Variants in NTNG1 observed in about 807,000 individuals in gnomAD.
NTNG1 encodes the protein netrin-G1.
NTNG1 carries 16 observed loss-of-function variants against 54.0 expected under a neutral mutation model. The ratio of observed to expected loss-of-function variants is 0.30; its 90% CI spans 0.20 to 0.45. The LOEUF (loss-of-function observed/expected upper bound fraction) is 0.45. Among genes scored for constraint, NTNG1 ranks in the 20% least tolerant of loss-of-function variants. NTNG1 has a pLI of 1.00. For missense variants in NTNG1, 530 were observed against 678.7 expected, an observed-to-expected ratio of 0.78 and a Z score of 2.43; for synonymous variants, 255 against 263.1, an observed-to-expected ratio of 0.97 and a Z score of 0.30.
intron 7 of NTNG1, among the ~76,000 whole-genome samples, chr1:107,456,576 A>G (rs1472505986): frequency 6.6e-6 from 1 of 152,182 alleles, no homozygotes; most frequent in African/African-American, 2.4e-5. Flanking sequence ...TCGCTTATCA[A>G]TACTCCTAGC....
At chr1:107,205,485 A>G (rs1659106950) in intron 2 of NTNG1, among the ~76,000 whole-genome samples, 1 of 152,116 alleles carries the variant, frequency 6.6e-6, no homozygotes, top group African/African-American at 2.4e-5. Flanking sequence ...AATTTTCATA[A>G]TTTTTATAAG....
chr1:107,170,346 G>C (rs1656129247), intron 2 of NTNG1, among the ~76,000 whole-genome samples: 1 of 152,094 alleles, frequency 6.6e-6, no homozygotes, highest in South Asian at 2.1e-4. Flanking sequence ...TCAATGTCAT[G>C]TATGAAAATT....
rs549992039 is a variant in NTNG1 at position 107,250,975 on chromosome 1, G to A, written c.247-73307G>A. The stretch of plus-strand genomic sequence containing the variant: ...TTAATAAAATTTATTTTCATGCATG[G>A]TTATTCTTACCTTATTCTTTATATC... On this transcript the variant is annotated intron_variant, in intron 2 of 7. Transcript: ENST00000370068. Among the ~76,000 whole-genome samples the A allele has an allele frequency of 1.2e-4, 19 of 152,216 alleles. No individual in the cohort carries two copies. In the South Asian group the frequency reaches 3.9e-3, roughly 32 times the overall value.
rs116040388 is a variant in NTNG1 at position 107,219,872 on chromosome 1, C to T, written c.246+71033C>T. Among the ~76,000 whole-genome samples the T allele has an allele frequency of 9.4e-3, 1,426 of 152,206 alleles. 14 individuals carry two copies. The highest frequency in any genetic ancestry group is 0.02 in the Middle Eastern group (6 of 294). ...AGTGCACTGGTTTTGTGTTGGTTAG[C>T]CTCCAACCAGGAGGTGGCACTTTTA... On this transcript the variant is annotated intron_variant, in intron 2 of 7. Coordinates refer to ENST00000370068, the MANE Select transcript of NTNG1 (RefSeq NM_001113226.3).
In NTNG1 at chr1:107,148,626, C is replaced by A. The variant is rs150353082; in HGVS notation, c.33C>A (p.Ala11=). Residue 11 remains alanine (A), a synonymous_variant, in exon 2 of 8, where the codon GCC becomes GCA. Transcript: ENST00000370068. The part of the protein sequence containing the change: MYLSRFLSIH[A]LWVTVSSVMQ... ...TGTCAAGATTCCTGTCGATTCATGC[C>A]CTTTGGGTTACGGTGTCCTCAGTGA... 2.0e-5 allele frequency: 32 copies of A among 1,613,068 alleles called. No homozygotes were observed. In the African/African-American group the frequency reaches 4.0e-4, roughly 20 times the overall value.
chr1:107,224,877 G>T (rs941198223), intron 2 of NTNG1, among the ~76,000 whole-genome samples: 1 of 152,104 alleles, frequency 6.6e-6, no homozygotes, highest in Non-Finnish European at 1.5e-5. Flanking sequence ...TCTGGTCTGA[G>T]ACCCCCCTCT....
chr1:107,326,036 G>A (rs1273362699), intron 3 of NTNG1, among the ~76,000 whole-genome samples: 1 of 152,082 alleles, frequency 6.6e-6, no homozygotes, highest in African/African-American at 2.4e-5. Flanking sequence ...GTCTGTTAGA[G>A]ATTTGCCTTA....
At chr1:107,420,586 T>C (rs1019854230) in intron 5 of NTNG1, among the ~76,000 whole-genome samples, 2 of 152,024 alleles carry the variant, frequency 1.3e-5, no homozygotes, top group Non-Finnish European at 2.9e-5. Flanking sequence ...TCAAGATGAC[T>C]CTGAGATAGG....
At chr1:107,173,452 G>A (rs1441005530) in intron 2 of NTNG1, among the ~76,000 whole-genome samples, 2 of 152,114 alleles carry the variant, frequency 1.3e-5, no homozygotes, top group Non-Finnish European at 1.5e-5. Flanking sequence ...AAGAAGTAAA[G>A]GATTGGGCCT....
chr1:107,455,385 TA>T (rs1174525989), intron 7 of NTNG1, among the ~76,000 whole-genome samples: 2 of 152,118 alleles, frequency 1.3e-5, no homozygotes, highest in Non-Finnish European at 2.9e-5. Flanking sequence ...TAAAAAGCAA[TA>T]AAAAGTCATT....
intron 3 of NTNG1, among the ~76,000 whole-genome samples, chr1:107,348,801 G>A (rs1285195875): frequency 6.6e-6 from 1 of 151,938 alleles, no homozygotes; most frequent in Non-Finnish European, 1.5e-5. Context: ...AATAAATCTT[G>A]GCTTCTTTTA....
chr1:107,363,826 A>G (rs1024031526), intron 3 of NTNG1, among the ~76,000 whole-genome samples: 1 of 152,224 alleles, frequency 6.6e-6, no homozygotes, highest in Non-Finnish European at 1.5e-5. Context: ...CAAATATTAT[A>G]TACAATACTT....
At chr1:107,258,288 G>A (rs3123370) in intron 2 of NTNG1, among the ~76,000 whole-genome samples, 142,148 of 147,236 alleles carry the variant, frequency 0.97, 68,773 homozygotes, top group South Asian at 1. Context: ...AGTGGTTGAG[G>A]AAAAAAAAAA....
intron 2 of NTNG1, among the ~76,000 whole-genome samples, chr1:107,318,279 C>T (rs756943056): frequency 6.6e-6 from 1 of 152,154 alleles, no homozygotes; most frequent in African/African-American, 2.4e-5. Context: ...ATGTTACCCA[C>T]CCACTAGTCA....
intron 3 of NTNG1, among the ~76,000 whole-genome samples, chr1:107,331,877 T>C (rs181931290): frequency 5.3e-5 from 8 of 151,808 alleles, no homozygotes; most frequent in Non-Finnish European, 1.2e-4. Context: ...TTTTTCAAGC[T>C]AAATGGATAT....
chr1:107,381,079 T>A (rs1671615037), intron 3 of NTNG1, among the ~76,000 whole-genome samples: 1 of 152,124 alleles, frequency 6.6e-6, no homozygotes, highest in Non-Finnish European at 1.5e-5. Context: ...AACTATTTTA[T>A]AAATGATTGA....
rs569089999 is a variant in NTNG1 at position 107,393,061 on chromosome 1, A to T, written c.888-2093A>T. On this transcript the variant is annotated intron_variant, in intron 3 of 7. Transcript: ENST00000370068. ...TTTACCTCCTTTTATTATTCAAAGA[A>T]TATCTTCTCAGCTAATATAATGTCT... 6.6e-5 allele frequency among the ~76,000 whole-genome samples: 10 copies of T among 152,320 alleles called. 1 individual carries two copies. Among genetic ancestry groups the T allele is most frequent in the African/African-American group, 2.4e-4 (10 of 41,578 alleles).
chr1:107,433,998 C>T (rs1026163971), intron 6 of NTNG1, among the ~76,000 whole-genome samples: 2 of 152,152 alleles, frequency 1.3e-5, no homozygotes, highest in Non-Finnish European at 2.9e-5. Flanking sequence ...AATCTTAATA[C>T]CATTTTGTAT....
Position 107,191,067 on chromosome 1 carries a change from T to G in NTNG1, c.246+42228T>G, listed in dbSNP as rs1657879517. Among the ~76,000 whole-genome samples the G allele has an allele frequency of 5.3e-5, 8 of 152,318 alleles. No individual in the cohort carries two copies. In the South Asian group the frequency reaches 1.7e-3, roughly 32 times the overall value. On this transcript the variant is annotated intron_variant, in intron 2 of 7. Coordinates refer to ENST00000370068, the MANE Select transcript of NTNG1 (RefSeq NM_001113226.3). ...AACAGTGTAAAAGTGTTCCTATTTC[T>G]CCGCATCCTCTCCAGCACCTGTTGT...
Sources: allele counts gnomAD v4.1 joint callset (sites outside exome capture counted in the v4.1 genomes callset), GRCh38; gene constraint gnomAD v4.1.1; transcripts MANE v1.5; gene names NCBI Gene and HGNC (gene_info 2026-07-23, HGNC 2026-07-21).